Variants in MACROD2 observed in about 807,000 individuals in gnomAD.
The protein encoded by MACROD2 is mono-ADP ribosylhydrolase 2, also known as ADP-ribose glycohydrolase MACROD2.
Under a neutral mutation model 70.4 loss-of-function variants are expected in MACROD2, and 36 were observed. The observed-to-expected ratio is 0.51, with a 90% CI of 0.39 to 0.68. MACROD2 has a LOEUF of 0.68. Among genes scored for constraint, MACROD2 ranks in the 30% least tolerant of loss-of-function variants. The pLI is 0.00. For missense variants in MACROD2, 496 were observed against 538.4 expected (o/e 0.92, Z 0.78); for synonymous variants, 172 against 178.8 (o/e 0.96, Z 0.30).
chr20:14,842,198 T>C (rs1056509938), intron 5 of MACROD2, among the ~76,000 whole-genome samples: 5 of 152,226 alleles, frequency 3.3e-5, no homozygotes, highest in Middle Eastern at 3.4e-3. Context: ...CTTTTATAAC[T>C]GTCCCACTTC....
chr20:15,848,163 G>A (rs1194307949), intron 8 of MACROD2, among the ~76,000 whole-genome samples: 1 of 152,148 alleles, frequency 6.6e-6, no homozygotes, highest in East Asian at 1.9e-4. Context: ...TCTTTTGGAA[G>A]TTAAAATATG....
intron 8 of MACROD2, among the ~76,000 whole-genome samples, chr20:15,728,936 T>C (rs2050903592): frequency 2.6e-5 from 4 of 152,178 alleles, no homozygotes; most frequent in Admixed American, 2.6e-4. Context: ...CTTTGGAGTT[T>C]GTTTGTTCTT....
At chr20:14,770,979 G>GTTAA (rs1300891230) in intron 5 of MACROD2, among the ~76,000 whole-genome samples, 4 of 152,060 alleles carry the variant, frequency 2.6e-5, no homozygotes, top group Non-Finnish European at 4.4e-5. Context: ...TTGGTTAAAT[G>GTTAA]TTAACTCTTG....
At chr20:15,866,742 C>A (rs187748678) in intron 9 of MACROD2, among the ~76,000 whole-genome samples, 2 of 152,112 alleles carry the variant, frequency 1.3e-5, no homozygotes, top group South Asian at 4.1e-4. Flanking sequence ...TCTTCTAGTA[C>A]CTATAAATAC....
intron 5 of MACROD2, among the ~76,000 whole-genome samples, chr20:15,199,823 AAGT>A (rs2076640001): frequency 6.6e-6 from 1 of 152,224 alleles, no homozygotes; most frequent in South Asian, 2.1e-4. Flanking sequence ...CAGAAACAAA[AAGT>A]AGCCACAACC....
intron 5 of MACROD2, among the ~76,000 whole-genome samples, chr20:15,012,653 T>G (rs921421059): frequency 2.0e-5 from 3 of 152,138 alleles, no homozygotes. Flanking sequence ...TCTGTCATAT[T>G]GAGCCAGTTG....
rs138612491 is a variant in MACROD2 at position 15,474,349 on chromosome 20, T to C, written c.572-25425T>C. On this transcript the variant is annotated intron_variant, in intron 7 of 17. Transcript: ENST00000684519. ...TCCCTTAGGATGAAATTTCACTTAA[T>C]GAGCGAGGCTTCATGTTGTCCCAAC... 4.4e-3 allele frequency among the ~76,000 whole-genome samples: 672 copies of C among 152,312 alleles called. 3 individuals carry two copies. The highest frequency in any genetic ancestry group is 7.4e-3 in the Non-Finnish European group (504 of 68,016).
At chr20:15,647,992 G>A (rs551913714) in intron 8 of MACROD2, among the ~76,000 whole-genome samples, 28 of 152,234 alleles carry the variant, frequency 1.8e-4, no homozygotes, top group South Asian at 1.5e-3. Flanking sequence ...CCAAAGTGCT[G>A]GGATTACAGG....
chr20:15,744,173 T>A (rs888293372), intron 8 of MACROD2, among the ~76,000 whole-genome samples: 1 of 152,230 alleles, frequency 6.6e-6, no homozygotes, highest in African/African-American at 2.4e-5. Flanking sequence ...AATCAGGCTA[T>A]TTTAATTGAT....
chr20:15,247,184 A>G (rs2077113625), intron 6 of MACROD2, among the ~76,000 whole-genome samples: 2 of 152,234 alleles, frequency 1.3e-5, no homozygotes, highest in Non-Finnish European at 2.9e-5. Flanking sequence ...GGCAAATTTT[A>G]TGGTATTTGA....
intron 4 of MACROD2, among the ~76,000 whole-genome samples, chr20:14,666,351 A>G (rs2070736743): frequency 6.6e-6 from 1 of 152,148 alleles, no homozygotes; most frequent in Non-Finnish European, 1.5e-5. Flanking sequence ...AAGAGAGCAT[A>G]TTTCTGGATT....
chr20:14,923,419 T>A, intron 5 of MACROD2, among the ~76,000 whole-genome samples: 1 of 152,156 alleles, frequency 6.6e-6, no homozygotes. Flanking sequence ...AAATGTGTCA[T>A]CTCCAAAACT....
intron 5 of MACROD2, among the ~76,000 whole-genome samples, chr20:14,967,415 C>T (rs374738628): frequency 6.6e-6 from 1 of 152,238 alleles, no homozygotes; most frequent in Admixed American, 6.5e-5. Flanking sequence ...CCGCCCGCCT[C>T]GGCCTCCCAA....
intron 8 of MACROD2, among the ~76,000 whole-genome samples, chr20:15,548,456 C>T (rs771812899): frequency 7.2e-5 from 11 of 151,990 alleles, no homozygotes; most frequent in Admixed American, 1.3e-4. Context: ...AGTGCAGTGG[C>T]GCACTCTCGG....
chr20:14,555,086 T>C (rs1978937920), intron 4 of MACROD2, among the ~76,000 whole-genome samples: 1 of 151,862 alleles, frequency 6.6e-6, no homozygotes, highest in Non-Finnish European at 1.5e-5. Flanking sequence ...ATGACTTAAT[T>C]GTATATTTTA....
chr20:15,627,762 G>A (rs1337202931), intron 8 of MACROD2, among the ~76,000 whole-genome samples: 4 of 152,202 alleles, frequency 2.6e-5, no homozygotes. Context: ...CTATGCCTTA[G>A]CAGAATTCCT....
chr20:15,027,117 G>C (rs1211486240), intron 5 of MACROD2, among the ~76,000 whole-genome samples: 3 of 152,116 alleles, frequency 2.0e-5, no homozygotes, highest in Non-Finnish European at 4.4e-5. Flanking sequence ...TGGTGTCAGT[G>C]GGGGTAGGAG....
At chr20:14,492,147 T>C (rs377610) in intron 3 of MACROD2, among the ~76,000 whole-genome samples, 148,012 of 152,248 alleles carry the variant, frequency 0.97, 72,094 homozygotes, top group East Asian at 1. Context: ...CTACCGTCTG[T>C]GTAAATATCA....
intron 2 of MACROD2, among the ~76,000 whole-genome samples, chr20:14,056,263 A>C (rs1308770252): frequency 3.9e-5 from 6 of 151,970 alleles, no homozygotes. Flanking sequence ...AACCCCCTTT[A>C]TCATTACATT....
Sources: gnomAD v4.1 joint callset for allele counts (sites outside exome capture counted in the v4.1 genomes callset) on GRCh38, gnomAD v4.1.1 for gene constraint, MANE v1.5 for transcripts, NCBI Gene and HGNC (gene_info 2026-07-23, HGNC 2026-07-21) for gene names.